The following HOMER2 variants were observed in gnomAD, a reference collection of about 807,000 sequenced individuals.
The protein encoded by HOMER2 is homer protein homolog 2.
HOMER2 carries 27 observed loss-of-function variants against 47.0 expected under a neutral mutation model. The ratio of observed to expected loss-of-function variants is 0.57; its 90% confidence interval spans 0.42 to 0.79. The LOEUF is 0.79. HOMER2 is among the 30% of genes least tolerant of loss of function. HOMER2 has a pLI of 0.00. For synonymous variants in HOMER2, 161 were observed against 163.8 expected, an observed-to-expected ratio of 0.98 and a Z score of 0.13; for missense variants, 443 against 435.0, an observed-to-expected ratio of 1.02 and a Z score of -0.16.
intron 1 of HOMER2, among the ~76,000 whole-genome samples, chr15:82,980,149 G>GT (rs966710919): frequency 6.6e-6 from 1 of 150,852 alleles, no homozygotes; most frequent in East Asian, 1.9e-4. Context: ...TGTACATCAT[G>GT]TTTTTTTGTT....
At chr15:82,967,268 T>A (rs907186511) in intron 1 of HOMER2, among the ~76,000 whole-genome samples, 3 of 151,442 alleles carry the variant, frequency 2.0e-5, no homozygotes, top group Admixed American at 2.0e-4. Context: ...AACTAAATAA[T>A]AAAAATAAAA....
In HOMER2 at chr15:82,965,792, C is replaced by T. The variant is rs567339670; in HGVS notation, n.83-6484G>A. Among the ~76,000 whole-genome samples the T allele has an allele frequency of 1.3e-5, 2 of 150,190 alleles. 1 individual carries two copies. Among genetic ancestry groups the T allele is most frequent in the Admixed American group, 1.3e-4 (2 of 15,068 alleles). ...CCTTTTTTTTTTTTTTATTTTCCAG[C>T]AGATAAAAGAGGGGTCATGGGGCCA... On this transcript the variant is annotated intron_variant and non_coding_transcript_variant, in intron 1 of 1. Coordinates refer to the HOMER2 transcript ENST00000500334.
chr15:82,845,793 G>C (rs1285623592), downstream of HOMER2: 2 of 152,170 alleles, frequency 1.3e-5, no homozygotes, highest in Non-Finnish European at 2.9e-5. Context: ...CGCGTCCTGT[G>C]GTTGGCTCTC....
chr15:82,974,176 G>A (rs578018725), intron 1 of HOMER2, among the ~76,000 whole-genome samples: 23 of 151,992 alleles, frequency 1.5e-4, no homozygotes, highest in African/African-American at 4.8e-4. Context: ...AGGCAGAGGC[G>A]GGTGGATCAC....
At chr15:82,933,832 C>A (rs1426771390) in intron 1 of HOMER2, among the ~76,000 whole-genome samples, 3 of 152,200 alleles carry the variant, frequency 2.0e-5, no homozygotes, top group Non-Finnish European at 4.4e-5. Context: ...CCAAGTCTCT[C>A]TCACACTCAC....
In HOMER2 at chr15:82,934,584, G is replaced by A. The variant is rs138351764; in HGVS notation, c.5+17947C>T. ...TTCCCCACTCCACCAGCCACCTCCC[G>A]GCCTCCCTTTCTTCCTGGGAGGGCC... On this transcript the variant is annotated intron_variant, in intron 1 of 8. Transcript: ENST00000450735. Among the ~76,000 whole-genome samples, 800 of 151,580 alleles carry A rather than the reference G, an allele frequency of 5.3e-3. 11 individuals carry two copies. Among genetic ancestry groups the A allele is most frequent in the African/African-American group, 0.018 (744 of 41,364 alleles).
At chr15:82,890,000 G>A (rs901142293) in intron 2 of HOMER2, among the ~76,000 whole-genome samples, 3 of 152,112 alleles carry the variant, frequency 2.0e-5, no homozygotes, top group Non-Finnish European at 4.4e-5. Context: ...GCTTCCTTTT[G>A]CAGAAGGAGG....
chr15:82,901,314 G>C (rs1183944999), intron 1 of HOMER2, among the ~76,000 whole-genome samples: 1 of 152,184 alleles, frequency 6.6e-6, no homozygotes, highest in African/African-American at 2.4e-5. Flanking sequence ...GGGTGCAGAG[G>C]AGGAGGTAAG....
At chr15:82,961,038 G>T (rs993238585) in intron 1 of HOMER2, among the ~76,000 whole-genome samples, 3 of 152,214 alleles carry the variant, frequency 2.0e-5, no homozygotes, top group African/African-American at 7.2e-5. Context: ...GGGCAGAGAT[G>T]CCTTATCTGG....
chr15:82,962,949 G>C (rs187118765), intron 1 of HOMER2, among the ~76,000 whole-genome samples: 1 of 152,262 alleles, frequency 6.6e-6, no homozygotes, highest in Non-Finnish European at 1.5e-5. Context: ...CTTGCCCAGA[G>C]GGGCTAAAAG....
At chr15:82,881,056 G>A (rs2052506195) in intron 2 of HOMER2, among the ~76,000 whole-genome samples, 3 of 152,232 alleles carry the variant, frequency 2.0e-5, no homozygotes, top group Admixed American at 1.3e-4. Context: ...AAGCCCAGAA[G>A]GGAGAAGGGG....
At chr15:82,881,318 G>A (rs2151083043) in intron 2 of HOMER2, among the ~76,000 whole-genome samples, 1 of 152,338 alleles carries the variant, frequency 6.6e-6, no homozygotes, top group East Asian at 1.9e-4. Flanking sequence ...TTCAGAGGAA[G>A]CTGCTCATGA....
intron 1 of HOMER2, among the ~76,000 whole-genome samples, chr15:82,946,466 G>C (rs891609292): frequency 2.0e-5 from 3 of 152,078 alleles, no homozygotes; most frequent in African/African-American, 7.2e-5. Context: ...AACAAGCCAG[G>C]CATGCCCCTG....
intron 3 of HOMER2, 34 bp downstream of exon 3, chr15:82,875,239 G>A (rs201603112): frequency 2.6e-4 from 415 of 1,607,490 alleles, no homozygotes; most frequent in Admixed American, 4.4e-4. Context: ...CATCTGATGC[G>A]GGATTTACTG....
At chr15:82,971,940 C>T (rs1179852412) in intron 1 of HOMER2, among the ~76,000 whole-genome samples, 1 of 152,162 alleles carries the variant, frequency 6.6e-6, no homozygotes, top group African/African-American at 2.4e-5. Flanking sequence ...CCTAAATCTC[C>T]TCTTCTATTC....
chr15:82,837,172 A>C (rs189679197), exon 2 of HOMER2: 1 of 152,270 alleles, frequency 6.6e-6, no homozygotes, highest in East Asian at 1.9e-4. Context: ...CCCTTCTTCC[A>C]TCATCACATC....
At chr15:82,863,241 G>A (rs774909792) in intron 4 of HOMER2, among the ~76,000 whole-genome samples, 86 of 152,046 alleles carry the variant, frequency 5.7e-4, no homozygotes, top group African/African-American at 1.7e-3. Flanking sequence ...CAGCCCCCTC[G>A]ACAATCTTTC....
chr15:82,946,803 T>A (rs2054393434), intron 1 of HOMER2, among the ~76,000 whole-genome samples: 1 of 152,228 alleles, frequency 6.6e-6, no homozygotes, highest in South Asian at 2.1e-4. Flanking sequence ...TTCCAAATTC[T>A]GTGTATTCTT....
At chr15:82,951,290 C>T (rs1346494707) in intron 1 of HOMER2, among the ~76,000 whole-genome samples, 1 of 152,184 alleles carries the variant, frequency 6.6e-6, no homozygotes, top group Non-Finnish European at 1.5e-5. Flanking sequence ...TTCATGTTGG[C>T]CCACAGCCCT....
Sources: gnomAD v4.1 joint callset for allele counts (sites outside exome capture counted in the v4.1 genomes callset) on GRCh38, gnomAD v4.1.1 for gene constraint, MANE v1.5 for transcripts, NCBI Gene and HGNC (gene_info 2026-07-23, HGNC 2026-07-21) for gene names.